Variants in NALCN observed in about 807,000 individuals in gnomAD.
NALCN encodes the protein sodium leak channel NALCN.
Under a neutral mutation model 225.3 loss-of-function variants are expected in NALCN, and 111 were observed. The ratio of observed to expected loss-of-function variants is 0.49; its 90% CI spans 0.42 to 0.58. The LOEUF is 0.58. NALCN is among the 20% of genes least tolerant of loss of function. NALCN has a pLI of 0.00. For missense variants in NALCN, 1,378 were observed against 2,202.4 expected (o/e 0.63, Z 7.49); for synonymous variants, 764 against 769.0 (o/e 0.99, Z 0.11).
chr13:101,373,420 C>G (rs1408197542), intron 6 of NALCN, among the ~76,000 whole-genome samples: 1 of 152,124 alleles, frequency 6.6e-6, no homozygotes, highest in African/African-American at 2.4e-5. Context: ...AAAACATTAG[C>G]AAATCAAATC....
At chr13:101,109,479 C>T (rs1232791515) in intron 20 of NALCN, among the ~76,000 whole-genome samples, 1 of 152,176 alleles carries the variant, frequency 6.6e-6, no homozygotes, top group Admixed American at 6.5e-5. Flanking sequence ...AGTAGGCAAG[C>T]ACTCCAAAAG....
chr13:101,104,675 G>T lies in NALCN; in HGVS notation c.2637-25C>A. On this transcript the variant is annotated intron_variant, in intron 23 of 43. Transcript: ENST00000251127. The surrounding 1 kb of genome is among the most constrained non-coding windows in gnomAD (Gnocchi z 4.2). ...ACTGCCAAAGACCAAACAAAATTGA[G>T]AAACATAAAGGTTCCAGGAAAGGCT... The T allele has an allele frequency of 1.2e-6, 2 of 1,613,298 alleles. No homozygotes were observed. The highest frequency in any genetic ancestry group is 1.7e-6 in the Non-Finnish European group (2 of 1,179,578).
rs1440360665 is a variant in NALCN, at chr13:101,054,697, T to C, written c.*598A>G. On this transcript the variant is annotated 3_prime_UTR_variant, in exon 44 of 44. Coordinates refer to ENST00000251127, the MANE Select transcript of NALCN (RefSeq NM_052867.4). ...AACATAACTGAGGACAGAAATCAAC[T>C]TGTTCTGGTCACCAAATGTCTTGTG... The C allele has an allele frequency of 6.6e-6, 1 of 152,188 alleles. No homozygotes were observed. The highest frequency in any genetic ancestry group is 1.5e-5 in the Non-Finnish European group (1 of 68,040). 9.4% of individuals were successfully genotyped at this position (152,188 alleles called of 1,614,324 possible). A position where few individuals can be genotyped will look rare whatever the true frequency, so the allele number is the denominator to read the frequency against.
intron 2 of NALCN, among the ~76,000 whole-genome samples, chr13:101,396,282 G>T (rs2139493502): frequency 6.6e-6 from 1 of 151,910 alleles, no homozygotes; most frequent in African/African-American, 2.4e-5. Flanking sequence ...ATACTTAACT[G>T]CATCTCCATG....
At chr13:101,080,597 T>G (rs1026234059) in intron 34 of NALCN, among the ~76,000 whole-genome samples, 2 of 130,258 alleles carry the variant, frequency 1.5e-5, no homozygotes, top group African/African-American at 5.2e-5. Context: ...AAATAATTAT[T>G]AAATTAATTA....
At chr13:101,127,921 C>G (rs963219214) in intron 17 of NALCN, among the ~76,000 whole-genome samples, 4 of 152,094 alleles carry the variant, frequency 2.6e-5, no homozygotes, top group Non-Finnish European at 5.9e-5. Flanking sequence ...ATAAAGAGCT[C>G]AGAGCTACAC....
chr13:101,411,345 CTTT>C (rs35728574), intron 1 of NALCN, among the ~76,000 whole-genome samples: 4 of 138,218 alleles, frequency 2.9e-5, no homozygotes, highest in Non-Finnish European at 3.1e-5. Context: ...AAGCATCAGA[CTTT>C]TTTTTTTTTT....
At position 101,091,010 on chromosome 13, in the gene NALCN, A is replaced by G. The variant is rs1170649537; in HGVS notation, c.3270-1044T>C. The stretch of plus-strand genomic sequence containing the variant: ...AACATGGTTATACTTTTCTCTTCCC[A>G]ATTATAAAAGTGATCCTTTTTACTA... On this transcript the variant is annotated intron_variant, in intron 28 of 43. Coordinates refer to ENST00000251127, the MANE Select transcript of NALCN (RefSeq NM_052867.4). Among the ~76,000 whole-genome samples the G allele has an allele frequency of 2.6e-5, 4 of 152,064 alleles. No homozygotes were observed. The South Asian group carries it at 6.2e-4, about 24-fold the overall frequency.
At chr13:101,223,003 A>C (rs2041003069) in intron 13 of NALCN, among the ~76,000 whole-genome samples, 2 of 152,066 alleles carry the variant, frequency 1.3e-5, no homozygotes, top group African/African-American at 4.8e-5. Flanking sequence ...TTCATACAAC[A>C]TATCCCCTTC....
rs1594503164 is a variant in NALCN at position 101,237,827 on chromosome 13, T to C, written c.1362A>G (p.Glu454=). Residue 454 remains glutamate (E), a synonymous_variant, in exon 12 of 44, where the codon GAA becomes GAG. Transcript: ENST00000251127. ...GYISSSLHKF[E]LLLVIGTTLH... is the part of the protein sequence containing the mutation. ...GAGTAGTTCCAATTACGAGTAGTAG[T>C]TCGAATTTGTGGAGAGATGAGCTAA... 1 of 1,607,224 alleles carries C rather than the reference T, an allele frequency of 6.2e-7. No individual in the cohort carries two copies. The highest frequency in any genetic ancestry group is 8.5e-7 in the Non-Finnish European group (1 of 1,176,924).
In NALCN at chr13:101,077,621, G is replaced by C. The variant is rs1042420229; in HGVS notation, c.3886-1680C>G. Among the ~76,000 whole-genome samples, 17 of 152,236 alleles carry C rather than the reference G, an allele frequency of 1.1e-4. 1 individual carries two copies. The highest frequency in any genetic ancestry group is 8.5e-4 in the Admixed American group (13 of 15,276). ...TTAAGAGAGATGATTTAGGGTATCTGGTAGAATAAATTTCTAAGTGACACA... is the reference window on the plus strand; with the variant it reads ...TTAAGAGAGATGATTTAGGGTATCTCGTAGAATAAATTTCTAAGTGACACA... On this transcript the variant is annotated intron_variant, in intron 34 of 43. Transcript: ENST00000251127.
At chr13:101,058,214 G>A (rs2031503319) in intron 42 of NALCN, 158 bp from the exon 43 acceptor site, 5 of 617,428 alleles carry the variant, frequency 8.1e-6, no homozygotes, top group Non-Finnish European at 1.1e-5. Flanking sequence ...GGTATAAAGG[G>A]TCACAGAAGA....
At chr13:101,316,676 C>T (rs1323132546) in intron 7 of NALCN, among the ~76,000 whole-genome samples, 1 of 152,178 alleles carries the variant, frequency 6.6e-6, no homozygotes, top group Non-Finnish European at 1.5e-5. Flanking sequence ...TACCTGTACT[C>T]TGGAAAATTC....
At chr13:101,057,311 G>A (rs2031384927) in intron 43 of NALCN, 1 of 153,634 alleles carries the variant, frequency 6.5e-6, no homozygotes, top group Admixed American at 6.4e-5. Context: ...GAAGCTCATA[G>A]AAGAAAATTC....
intron 42 of NALCN, chr13:101,058,436 G>T (rs566180848): frequency 2.5e-5 from 4 of 162,440 alleles, no homozygotes; most frequent in Non-Finnish European, 5.3e-5. Flanking sequence ...GCAGTCTACT[G>T]TCACCAGCCT....
At chr13:101,259,853 TG>T (rs1332165147) in intron 10 of NALCN, among the ~76,000 whole-genome samples, 1 of 151,300 alleles carries the variant, frequency 6.6e-6, no homozygotes, top group African/African-American at 2.4e-5. Flanking sequence ...TCATGGAGAA[TG>T]GGGTATCCTT....
chr13:101,112,399 G>T (rs1286405476), intron 18 of NALCN, among the ~76,000 whole-genome samples: 2 of 152,164 alleles, frequency 1.3e-5, no homozygotes, highest in Non-Finnish European at 2.9e-5. Flanking sequence ...AACACCTGTG[G>T]TGTGAATGAT....
At chr13:101,412,084 A>G (rs921658834) in intron 1 of NALCN, among the ~76,000 whole-genome samples, 1 of 152,208 alleles carries the variant, frequency 6.6e-6, no homozygotes, top group African/African-American at 2.4e-5. Context: ...TTCAAATCCA[A>G]AGTTTTTATC....
At chr13:101,127,738 G>T (rs972723714) in intron 17 of NALCN, among the ~76,000 whole-genome samples, 1 of 152,128 alleles carries the variant, frequency 6.6e-6, no homozygotes, top group East Asian at 1.9e-4. Flanking sequence ...ATATATATAT[G>T]ATATTACATT....
Sources: gnomAD v4.1 joint callset for allele counts (sites outside exome capture counted in the v4.1 genomes callset) on GRCh38, gnomAD v4.1.1 for gene constraint, Gnocchi (gnomAD v3.1) non-coding constraint, MANE v1.5 for transcripts, NCBI Gene and HGNC (gene_info 2026-07-23, HGNC 2026-07-21) for gene names.